KIAA0930: variants seen among roughly 807,000 people sequenced by gnomAD.
KIAA0930 encodes the protein KIAA0930.
KIAA0930 carries 24 observed loss-of-function variants against 43.9 expected under a neutral mutation model. The ratio of observed to expected loss-of-function variants is 0.55; its 90% CI spans 0.40 to 0.77. The LOEUF is 0.77. KIAA0930 is among the 30% of genes least tolerant of loss of function. The probability of loss-of-function intolerance (pLI) is 0.00; values close to 1 mark genes in which losing one functional copy is unlikely to be tolerated. For synonymous variants in KIAA0930, 259 were observed against 216.4 expected (o/e 1.20, Z -1.73); for missense variants, 461 against 574.2 (o/e 0.80, Z 2.02).
chr22:45,216,669 C>G (rs2083734546), intron 1 of KIAA0930, among the ~76,000 whole-genome samples: 2 of 152,126 alleles, frequency 1.3e-5, no homozygotes, highest in African/African-American at 4.8e-5. Context: ...GTCACAAGCC[C>G]CGGGAGCTGC....
chr22:45,226,434 G>T (rs2083801281), intron 1 of KIAA0930: 1 of 417,854 alleles, frequency 2.4e-6, no homozygotes, highest in Admixed American at 2.9e-5. Flanking sequence ...TTGCATGGCG[G>T]GGGAGGCTCC....
chr22:45,218,767 C>T (rs950405944), intron 1 of KIAA0930, among the ~76,000 whole-genome samples: 7 of 152,074 alleles, frequency 4.6e-5, no homozygotes, highest in African/African-American at 1.4e-4. Flanking sequence ...CTAAGCGAAC[C>T]CGGGGGTCAC....
intron 1 of KIAA0930, among the ~76,000 whole-genome samples, chr22:45,227,146 G>T (rs984529693): frequency 6.6e-6 from 1 of 152,234 alleles, no homozygotes; most frequent in African/African-American, 2.4e-5. Flanking sequence ...CACGGCAGGT[G>T]CTCAGTGTGC....
intron 1 of KIAA0930, among the ~76,000 whole-genome samples, chr22:45,233,130 TAAAC>T (rs2083864607): frequency 6.6e-6 from 1 of 151,724 alleles, no homozygotes; most frequent in African/African-American, 2.4e-5. Context: ...GCAGGGGTGG[TAAAC>T]AGACAGCCCA....
chr22:45,227,888 G>A (rs2083812470), intron 1 of KIAA0930, among the ~76,000 whole-genome samples: 1 of 152,212 alleles, frequency 6.6e-6, no homozygotes, highest in Non-Finnish European at 1.5e-5. Context: ...CGGGAGCTGA[G>A]CAGCAGCTAA....
chr22:45,208,517 A>C (rs1284851551), intron 2 of KIAA0930, among the ~76,000 whole-genome samples: 1 of 130,756 alleles, frequency 7.6e-6, no homozygotes, highest in Non-Finnish European at 1.7e-5. Context: ...GGCAGAACCC[A>C]CCGACTCCAC....
In KIAA0930 at chr22:45,212,117, G is replaced by C; in HGVS notation, c.65-10C>G. 6.2e-7 allele frequency: 1 copy of C among 1,613,772 alleles called. No individual in the cohort carries two copies. Among genetic ancestry groups the C allele is most frequent in the Non-Finnish European group, 8.5e-7 (1 of 1,179,946 alleles). On this transcript the variant is annotated splice_polypyrimidine_tract_variant and intron_variant, in intron 1 of 9. Coordinates refer to ENST00000336156, the MANE Select transcript of KIAA0930 (RefSeq NM_001009880.2). ...TCATCCTTGAAGCACCCTGCAGAGG[G>C]AGGCCAGACAGGAGTGAGGAAGGAC... is the stretch of plus-strand genomic sequence containing the variant.
chr22:45,223,377 G>A (rs2083778840), intron 1 of KIAA0930, among the ~76,000 whole-genome samples: 1 of 152,236 alleles, frequency 6.6e-6, no homozygotes, highest in Non-Finnish European at 1.5e-5. Context: ...GAAGGGAGGT[G>A]AGGAAGCCAG....
intron 1 of KIAA0930, among the ~76,000 whole-genome samples, chr22:45,223,411 T>A (rs535369194): frequency 6.6e-6 from 1 of 152,250 alleles, no homozygotes; most frequent in East Asian, 1.9e-4. Flanking sequence ...ATCCTGGCTC[T>A]GGCAGTTCTG....
intron 1 of KIAA0930, chr22:45,213,285 T>TGCCCTCA (rs1455615794): frequency 1.1e-5 from 14 of 1,296,356 alleles, no homozygotes; most frequent in Admixed American, 4.6e-5. Flanking sequence ...CTCTGCCCTC[T>TGCCCTCA]GCCCTCAGCC....
intron 7 of KIAA0930, chr22:45,200,806 C>A: frequency 2.2e-6 from 1 of 449,706 alleles, no homozygotes; most frequent in Admixed American, 2.4e-5. Context: ...CAACCATAGA[C>A]AGCATGCTGG....
intron 1 of KIAA0930, among the ~76,000 whole-genome samples, chr22:45,229,779 A>C (rs571738923): frequency 6.6e-6 from 1 of 152,360 alleles, no homozygotes; most frequent in African/African-American, 2.4e-5. Context: ...TATGCCTGGC[A>C]GACATCAAGA....
Position 45,195,786 on chromosome 22 carries a change from T to G in KIAA0930, c.*1390A>C, listed in dbSNP as rs1222676290. On this transcript the variant is annotated 3_prime_UTR_variant, in exon 10 of 10. Coordinates refer to ENST00000336156, the MANE Select transcript of KIAA0930 (RefSeq NM_001009880.2). ...AACCCTGGGACTTCAGTGAGGTAGG[T>G]GGTATCAGCCCCATTTCACAGGTGG... The G allele has an allele frequency of 6.6e-6, 1 of 152,376 alleles. No individual in the cohort carries two copies. Among genetic ancestry groups the G allele is most frequent in the Non-Finnish European group, 1.5e-5 (1 of 68,028 alleles). 9.4% of individuals were successfully genotyped at this position (152,376 alleles called of 1,614,324 possible). A position where few individuals can be genotyped will look rare whatever the true frequency, so the allele number is the denominator to read the frequency against.
chr22:45,212,248 C>T (rs1036325407), intron 1 of KIAA0930, 141 bp from the exon 2 acceptor site: 11 of 1,612,598 alleles, frequency 6.8e-6, no homozygotes, highest in Non-Finnish European at 9.3e-6. Flanking sequence ...CCTTCCCTCA[C>T]CACTCCCGAC....
intron 1 of KIAA0930, among the ~76,000 whole-genome samples, chr22:45,227,717 G>A (rs1325960517): frequency 4.6e-5 from 7 of 152,164 alleles, no homozygotes; most frequent in South Asian, 2.1e-4. Flanking sequence ...AACTGTCCCC[G>A]GGAGAGAACG....
intron 1 of KIAA0930, among the ~76,000 whole-genome samples, chr22:45,230,026 G>A (rs906711257): frequency 3.9e-5 from 6 of 152,218 alleles, no homozygotes; most frequent in African/African-American, 1.4e-4. Context: ...AACCCAGGGG[G>A]CGGAGGGCGC....
At chr22:45,210,882 G>A (rs1033481910) in intron 2 of KIAA0930, among the ~76,000 whole-genome samples, 1 of 116,046 alleles carries the variant, frequency 8.6e-6, no homozygotes, top group Non-Finnish European at 1.8e-5. Context: ...GAATCCAATG[G>A]GCCCTTCAGA....
Position 45,193,799 on chromosome 22 carries a change from G to A in KIAA0930, c.*3377C>T, listed in dbSNP as rs551532086. On this transcript the variant is annotated 3_prime_UTR_variant, in exon 10 of 10. Transcript: ENST00000336156. The stretch of plus-strand genomic sequence containing the variant: ...CAACTAGGCACTTCCAGCAGGACAT[G>A]AGAATGTAAGATGGCCACTACCGGA... 6.6e-6 allele frequency: 1 copy of A among 152,308 alleles called. No homozygotes were observed. Among genetic ancestry groups the A allele is most frequent in the African/African-American group, 2.4e-5 (1 of 41,550 alleles). The allele number at this position is 152,308 out of a possible 1,614,324, so 9.4% of individuals were successfully genotyped here. A position where few individuals can be genotyped will look rare whatever the true frequency, so the allele number is the denominator to read the frequency against.
At chr22:45,205,413 G>T in intron 4 of KIAA0930, 95 bp from the exon 5 acceptor site, 5 of 1,133,614 alleles carry the variant, frequency 4.4e-6, no homozygotes, top group Non-Finnish European at 6.6e-6. Flanking sequence ...ACCCGGCCCA[G>T]AGCCAGTCCA....
Sources: allele counts gnomAD v4.1 joint callset (sites outside exome capture counted in the v4.1 genomes callset), GRCh38; gene constraint gnomAD v4.1.1; transcripts MANE v1.5; gene names NCBI Gene and HGNC (gene_info 2026-07-23, HGNC 2026-07-21).